The following RBFOX1 variants were observed in gnomAD, a reference collection of about 807,000 sequenced individuals.
RBFOX1 encodes the protein RNA binding protein fox-1 homolog 1.
A neutral mutation model predicts 57.7 loss-of-function variants in RBFOX1; 8 were observed. The observed-to-expected ratio is 0.14, with a 90% CI of 0.08 to 0.25. The LOEUF (loss-of-function observed/expected upper bound fraction) is 0.25. Ranked by LOEUF, RBFOX1 falls within the 10% of genes least tolerant of loss-of-function variation. The pLI is 1.00. For synonymous variants in RBFOX1, 326 were observed against 222.4 expected (o/e 1.47, Z -4.15); for missense variants, 611 against 548.5 (o/e 1.11, Z -1.14).
At position 7,172,287 on chromosome 16, in the gene RBFOX1, C is replaced by A. The variant is rs186501972; in HGVS notation, c.27+120189C>A. Among the ~76,000 whole-genome samples the A allele has an allele frequency of 7.9e-5, 12 of 152,254 alleles. No homozygotes were observed. The South Asian group carries it at 2.1e-3, about 26-fold the overall frequency. On this transcript the variant is annotated intron_variant, in intron 4 of 15. Transcript: ENST00000550418. Reference sequence around the variant, plus strand: ...TCAAACCCCATCAAAAAAACCACTTCTTTCATGTAAATGCCCAGCAGTTTA... The same window carrying A: ...TCAAACCCCATCAAAAAAACCACTTATTTCATGTAAATGCCCAGCAGTTTA...
intron 3 of RBFOX1, among the ~76,000 whole-genome samples, chr16:6,858,620 C>G (rs776539212): frequency 6.6e-6 from 1 of 152,016 alleles, no homozygotes; most frequent in South Asian, 2.1e-4. Context: ...GAGACTCAGA[C>G]GATTTCATTT....
At chr16:7,050,302 G>A (rs1199505877) in intron 3 of RBFOX1, among the ~76,000 whole-genome samples, 2 of 99,460 alleles carry the variant, frequency 2.0e-5, no homozygotes, top group African/African-American at 7.5e-5. Flanking sequence ...TTTCACTCTT[G>A]TTGCCCAGGA....
intron 4 of RBFOX1, among the ~76,000 whole-genome samples, chr16:7,237,028 G>T (rs944330033): frequency 6.6e-6 from 1 of 152,226 alleles, no homozygotes; most frequent in African/African-American, 2.4e-5. Context: ...AGAGGTTATT[G>T]CATCACCCAT....
At chr16:6,354,276 T>C (rs1178713244) in intron 2 of RBFOX1, among the ~76,000 whole-genome samples, 3 of 151,854 alleles carry the variant, frequency 2.0e-5, no homozygotes, top group Non-Finnish European at 2.9e-5. Flanking sequence ...ATAGCAACAG[T>C]TTTCCGAAAC....
At chr16:6,552,723 T>G (rs373037336) in intron 2 of RBFOX1, among the ~76,000 whole-genome samples, 1 of 152,186 alleles carries the variant, frequency 6.6e-6, no homozygotes, top group African/African-American at 2.4e-5. Flanking sequence ...CACATACATA[T>G]GTGTGTACAT....
intron 4 of RBFOX1, among the ~76,000 whole-genome samples, chr16:7,401,918 C>G (rs538338128): frequency 3.9e-5 from 6 of 152,254 alleles, no homozygotes; most frequent in South Asian, 2.1e-4. Context: ...CATGTCATCT[C>G]TCAGTGAGGT....
At chr16:7,183,200 G>T (rs2083071719) in intron 4 of RBFOX1, among the ~76,000 whole-genome samples, 1 of 152,166 alleles carries the variant, frequency 6.6e-6, no homozygotes, top group Non-Finnish European at 1.5e-5. Context: ...ACTTCTCCTG[G>T]CTGCCTGTGT....
rs372523708 is a variant in RBFOX1, at chr16:5,588,626, C to T, written c.259-10276C>T. Reference sequence around the variant, plus strand: ...TTAAGGGCAACAGTCCTCAGCACGTCCCCATGTGAGCAATGGACAGCACTT... The same window carrying T: ...TTAAGGGCAACAGTCCTCAGCACGTTCCCATGTGAGCAATGGACAGCACTT... On this transcript the variant is annotated intron_variant, in intron 2 of 2. Transcript: ENST00000585867. Among the ~76,000 whole-genome samples, 103 of 152,224 alleles carry T rather than the reference C, an allele frequency of 6.8e-4. No homozygotes were observed. The East Asian group carries it at 0.011, about 16-fold the overall frequency.
Position 5,711,829 on chromosome 16 carries a change from C to A in RBFOX1, c.318+112868C>A, listed in dbSNP as rs528784027. ...CAGCACTTGACAGGCTGGAGACTTT[C>A]CAGAAAATGATGATGGTGATGACAA... On this transcript the variant is annotated intron_variant, in intron 3 of 19. Transcript: ENST00000641259. 7.9e-5 allele frequency among the ~76,000 whole-genome samples: 12 copies of A among 152,278 alleles called. No individual in the cohort carries two copies. In the South Asian group the frequency reaches 2.5e-3, roughly 32 times the overall value.
At chr16:6,879,997 G>A (rs1052758379) in intron 3 of RBFOX1, among the ~76,000 whole-genome samples, 6 of 152,044 alleles carry the variant, frequency 3.9e-5, no homozygotes, top group African/African-American at 1.4e-4. Context: ...TTCTGAAATA[G>A]TCTTAATCTT....
At position 5,391,892 on chromosome 16, in the gene RBFOX1, C is replaced by T. The variant is rs201986394; in HGVS notation, c.220-75324C>T. Among the ~76,000 whole-genome samples, 354 of 100,094 alleles carry T rather than the reference C, an allele frequency of 3.5e-3. 1 individual carries two copies. The highest frequency in any genetic ancestry group is 3.3e-3 in the Non-Finnish European group (147 of 44,968). The allele number at this position is 100,094 out of a possible 152,430, so 65.7% of individuals were successfully genotyped here. On this transcript the variant is annotated intron_variant, in intron 1 of 2. Coordinates refer to the RBFOX1 transcript ENST00000585867. ...AAACTATGGTGTGTGTGTGTGTATA[C>T]ACACACACACACACACGCACACACA...
chr16:5,730,377 G>A (rs1001239224), intron 3 of RBFOX1, among the ~76,000 whole-genome samples: 5 of 151,906 alleles, frequency 3.3e-5, no homozygotes, highest in Non-Finnish European at 5.9e-5. Context: ...GAGTGGAGCC[G>A]GCAAGCACCG....
At chr16:7,208,209 C>G (rs761112945) in intron 4 of RBFOX1, among the ~76,000 whole-genome samples, 5 of 152,170 alleles carry the variant, frequency 3.3e-5, no homozygotes, top group African/African-American at 1.2e-4. Context: ...ATGTCACCAT[C>G]TATAATCGGC....
In RBFOX1 at chr16:7,147,459, C is replaced by T. The variant is rs537359096; in HGVS notation, c.27+95361C>T. On this transcript the variant is annotated intron_variant, in intron 4 of 15. Transcript: ENST00000550418. ...GTACTTGGTAGACGGTTTTTCAACC[C>T]CGGCCTTCCCACTCCCCTGCATCTC... Among the ~76,000 whole-genome samples, 3 of 152,076 alleles carry T rather than the reference C, an allele frequency of 2.0e-5. No individual in the cohort carries two copies. The South Asian group carries it at 6.2e-4, about 32-fold the overall frequency.
intron 3 of RBFOX1, among the ~76,000 whole-genome samples, chr16:5,749,812 C>T (rs1436769008): frequency 7.2e-5 from 11 of 152,186 alleles, no homozygotes; most frequent in African/African-American, 2.7e-4. Context: ...TGGGTTCGAA[C>T]TTCCTCCGTT....
intron 2 of RBFOX1, among the ~76,000 whole-genome samples, chr16:6,560,711 G>A (rs1030549413): frequency 2.0e-5 from 3 of 152,134 alleles, no homozygotes; most frequent in African/African-American, 7.2e-5. Context: ...AATTGATTAT[G>A]AGGGCGCTTA....
At chr16:7,299,156 A>C (rs1054594927) in intron 4 of RBFOX1, among the ~76,000 whole-genome samples, 5 of 152,204 alleles carry the variant, frequency 3.3e-5, no homozygotes, top group East Asian at 3.8e-4. Flanking sequence ...TTTGACTCCC[A>C]CCATCTGTGT....
intron 1 of RBFOX1, among the ~76,000 whole-genome samples, chr16:5,303,248 T>C (rs1175117003): frequency 1.3e-5 from 2 of 152,180 alleles, no homozygotes; most frequent in African/African-American, 4.8e-5. Context: ...TGGGTCCCTA[T>C]AGCACAGGGC....
At chr16:5,844,833 C>T (rs1012750659) in intron 3 of RBFOX1, among the ~76,000 whole-genome samples, 2 of 152,142 alleles carry the variant, frequency 1.3e-5, no homozygotes, top group East Asian at 1.9e-4. Context: ...TTCCCTTACA[C>T]GTTGAGATCC....
Sources: allele counts gnomAD v4.1 joint callset (sites outside exome capture counted in the v4.1 genomes callset), GRCh38; gene constraint gnomAD v4.1.1; transcripts MANE v1.5; gene names NCBI Gene and HGNC (gene_info 2026-07-23, HGNC 2026-07-21).